The following AFAP1 variants were observed in gnomAD, a reference collection of about 807,000 sequenced individuals.
The protein encoded by AFAP1 is actin filament-associated protein 1.
In AFAP1, 75 loss-of-function variants were observed where a neutral mutation model predicts 93.9. That is an observed-to-expected ratio of 0.80 (90% confidence interval 0.66 to 0.97). The LOEUF is 0.97. Among genes scored for constraint, AFAP1 ranks in the 50% least tolerant of loss-of-function variants. The pLI, the probability that AFAP1 is intolerant of heterozygous loss-of-function variation, is 0.00. For synonymous variants in AFAP1, 517 were observed against 430.7 expected, an observed-to-expected ratio of 1.20 and a Z score of -2.48; for missense variants, 1,201 against 1,050.8, an observed-to-expected ratio of 1.14 and a Z score of -1.98.
At chr4:7,928,747 C>T (rs147109679) in intron 1 of AFAP1, among the ~76,000 whole-genome samples, 279 of 152,350 alleles carry the variant, frequency 1.8e-3, no homozygotes, top group African/African-American at 6.3e-3. Flanking sequence ...TCAATCAGTG[C>T]CATTTCATTC....
chr4:7,891,843 G>A (rs28432831), intron 1 of AFAP1, among the ~76,000 whole-genome samples: 17,306 of 150,508 alleles, frequency 0.11, 1,153 homozygotes, highest in Non-Finnish European at 0.16. Flanking sequence ...GGGGTCAGGA[G>A]TTCACAAGAC....
At chr4:7,855,957 C>A (rs1169304598) in intron 3 of AFAP1, among the ~76,000 whole-genome samples, 1 of 152,150 alleles carries the variant, frequency 6.6e-6, no homozygotes, top group Admixed American at 6.5e-5. Flanking sequence ...ACTCCACACA[C>A]ACCAACCCTC....
chr4:7,891,350 T>A (rs1007787340), intron 1 of AFAP1, among the ~76,000 whole-genome samples: 12 of 152,032 alleles, frequency 7.9e-5, no homozygotes, highest in African/African-American at 2.9e-4. Flanking sequence ...TAGGATTCTG[T>A]GGGCTGAAGA....
At chr4:7,923,268 G>A (rs770363092) in intron 1 of AFAP1, among the ~76,000 whole-genome samples, 2 of 152,152 alleles carry the variant, frequency 1.3e-5, no homozygotes, top group Non-Finnish European at 1.5e-5. Flanking sequence ...AACCATCTCT[G>A]TATCAGTCAG....
intron 9 of AFAP1, 112 bp from the exon 10 acceptor site, chr4:7,800,765 C>A: frequency 1.0e-6 from 1 of 994,928 alleles, no homozygotes; most frequent in Non-Finnish European, 1.5e-6. Context: ...TAAAACAAAT[C>A]CTTCACACGA....
intron 1 of AFAP1, among the ~76,000 whole-genome samples, chr4:7,879,698 GC>G (rs1717730739): frequency 2.0e-5 from 2 of 101,664 alleles, no homozygotes; most frequent in African/African-American, 6.7e-5. Context: ...CTGCTTGCTT[GC>G]TTTTTTTTTT....
chr4:7,858,722 C>A (rs761312732), intron 3 of AFAP1, among the ~76,000 whole-genome samples: 1 of 152,156 alleles, frequency 6.6e-6, no homozygotes, highest in Non-Finnish European at 1.5e-5. Context: ...CTGGCTTGTT[C>A]CTGCACCTCT....
intron 3 of AFAP1, among the ~76,000 whole-genome samples, chr4:7,856,338 G>A (rs181850049): frequency 0.02 from 3,072 of 152,138 alleles, 107 homozygotes; most frequent in African/African-American, 0.07. Flanking sequence ...TGCCTCCTGG[G>A]TTCATGCCAT....
chr4:7,870,291 G>A (rs1716908031), intron 2 of AFAP1, among the ~76,000 whole-genome samples: 1 of 152,224 alleles, frequency 6.6e-6, no homozygotes, highest in South Asian at 2.1e-4. Context: ...GGCCGAAGGA[G>A]TCTGGATTGT....
chr4:7,919,632 TA>T (rs1720324412), intron 1 of AFAP1, among the ~76,000 whole-genome samples: 1 of 152,146 alleles, frequency 6.6e-6, no homozygotes, highest in South Asian at 2.1e-4. Flanking sequence ...TTTAGTCTTT[TA>T]TTTTTTTTTA....
intron 3 of AFAP1, among the ~76,000 whole-genome samples, chr4:7,863,237 G>A (rs1434245846): frequency 6.6e-6 from 1 of 152,148 alleles, no homozygotes; most frequent in Admixed American, 6.5e-5. Flanking sequence ...GCAACATGGT[G>A]AAAACCCTGT....
At chr4:7,776,643 G>A (rs1261426351) in intron 14 of AFAP1, 4 of 152,104 alleles carry the variant, frequency 2.6e-5, no homozygotes, top group Non-Finnish European at 4.4e-5. Flanking sequence ...ATTTATGAAG[G>A]CATAAAAAGT....
intron 14 of AFAP1, chr4:7,775,178 C>T (rs1715973087): frequency 2.9e-6 from 1 of 342,350 alleles, no homozygotes; most frequent in East Asian, 5.4e-5. Context: ...AATGGGGTAA[C>T]TCAAAAAGCC....
At chr4:7,890,045 C>CA (rs796205785) in intron 1 of AFAP1, among the ~76,000 whole-genome samples, 4 of 114,582 alleles carry the variant, frequency 3.5e-5, no homozygotes, top group South Asian at 2.9e-4. Context: ...CTAAAATAGA[C>CA]AAAAACAAAA....
At chr4:7,819,942 T>C (rs76013158) in intron 6 of AFAP1, among the ~76,000 whole-genome samples, 2,174 of 152,334 alleles carry the variant, frequency 0.014, 19 homozygotes, top group Middle Eastern at 0.024. Context: ...GAAGGTTAAA[T>C]GCCCCAAGAC....
rs563793346 is a variant in AFAP1, at chr4:7,808,067, C to G, written c.1054+1547G>C. ...CAACACCTTGGATATAACGGGTGCT[C>G]AATAAGGGGTGGGGGCAACTAGAAT... On this transcript the variant is annotated intron_variant, in intron 9 of 17. Coordinates refer to ENST00000420658, the MANE Select transcript of AFAP1 (RefSeq NM_001134647.2). Among the ~76,000 whole-genome samples, 4 of 152,162 alleles carry G rather than the reference C, an allele frequency of 2.6e-5. No individual in the cohort carries two copies. The South Asian group carries it at 8.3e-4, about 32-fold the overall frequency.
intron 2 of AFAP1, among the ~76,000 whole-genome samples, chr4:7,869,637 A>G (rs939792872): frequency 3.3e-5 from 5 of 152,194 alleles, no homozygotes; most frequent in South Asian, 2.1e-4. Context: ...ATTTGGGCAC[A>G]GTACTATTTG....
intron 3 of AFAP1, among the ~76,000 whole-genome samples, chr4:7,865,414 T>G (rs1056364099): frequency 1.3e-5 from 2 of 152,238 alleles, no homozygotes; most frequent in South Asian, 2.1e-4. Flanking sequence ...TTAAAGCACA[T>G]GTAATGTATA....
chr4:7,938,391 C>G (rs1721517448), intron 1 of AFAP1, among the ~76,000 whole-genome samples: 2 of 152,184 alleles, frequency 1.3e-5, no homozygotes, highest in Non-Finnish European at 2.9e-5. Flanking sequence ...AAGGGGAAAA[C>G]TGTCCAGTTC....
Sources: gnomAD v4.1 joint callset for allele counts (sites outside exome capture counted in the v4.1 genomes callset) on GRCh38, gnomAD v4.1.1 for gene constraint, MANE v1.5 for transcripts, NCBI Gene and HGNC (gene_info 2026-07-23, HGNC 2026-07-21) for gene names.